The following B3GAT2 variants were observed in gnomAD, a reference collection of about 807,000 sequenced individuals.
B3GAT2 encodes galactosylgalactosylxylosylprotein 3-beta-glucuronosyltransferase 2.
A neutral mutation model predicts 27.8 loss-of-function variants in B3GAT2; 26 were observed. The ratio of observed to expected loss-of-function variants is 0.93; its 90% confidence interval spans 0.68 to 1.30. The LOEUF (loss-of-function observed/expected upper bound fraction) is 1.30, where lower values mean the gene tolerates loss of function less well. Among genes scored for constraint, B3GAT2 ranks in the 50% most tolerant of loss-of-function variants. The pLI is 0.00. For missense variants in B3GAT2, 458 were observed against 459.0 expected (o/e 1.00, Z 0.02); for synonymous variants, 218 against 195.1 (o/e 1.12, Z -0.98).
At chr6:70,893,975 T>C (rs1385259480) in intron 2 of B3GAT2, among the ~76,000 whole-genome samples, 153 bp downstream of exon 2, 3 of 152,206 alleles carry the variant, frequency 2.0e-5, no homozygotes, top group Non-Finnish European at 4.4e-5. Context: ...AGAGCCTATT[T>C]TGAAGGTTTA....
In B3GAT2 at chr6:70,861,732, A is replaced by C. The variant is rs1454838282; in HGVS notation, c.903T>G (p.Thr301=). ...NNCTKVLVWH[T]RTEKVNLANE... ...TGGCTAGATTAACCTTCTCTGTCCG[A>C]GTGTGCCACACGAGAACCTGAAGGG... Residue 301 remains threonine (T), a synonymous_variant, in exon 4 of 4, where the codon ACT becomes ACG. Transcript: ENST00000230053. 6.2e-7 allele frequency: 1 copy of C among 1,614,070 alleles called. No homozygotes were observed. Among genetic ancestry groups the C allele is most frequent in the Non-Finnish European group, 8.5e-7 (1 of 1,179,990 alleles).
At chr6:70,876,408 T>C (rs1479038545) in intron 2 of B3GAT2, among the ~76,000 whole-genome samples, 5 of 152,178 alleles carry the variant, frequency 3.3e-5, no homozygotes, top group African/African-American at 4.8e-5. Flanking sequence ...GGACGGTAGT[T>C]GAGTAAAGGC....
intron 1 of B3GAT2, among the ~76,000 whole-genome samples, chr6:70,936,802 GAA>G (rs1765289526): frequency 6.6e-6 from 1 of 151,972 alleles, no homozygotes; most frequent in Non-Finnish European, 1.5e-5. Context: ...GAGAAAGCAG[GAA>G]AGATCCAAAA....
chr6:70,866,312 T>A (rs1256708351), intron 2 of B3GAT2, among the ~76,000 whole-genome samples: 1 of 152,212 alleles, frequency 6.6e-6, no homozygotes, highest in Non-Finnish European at 1.5e-5. Flanking sequence ...CCTAACAAAC[T>A]TCAAAAGCAA....
chr6:70,925,348 A>G (rs1772936320), intron 1 of B3GAT2, among the ~76,000 whole-genome samples: 1 of 152,222 alleles, frequency 6.6e-6, no homozygotes, highest in Non-Finnish European at 1.5e-5. Context: ...AGGGCGGGGC[A>G]TCACCTCACC....
chr6:70,953,387 A>C (rs936190968), intron 1 of B3GAT2, among the ~76,000 whole-genome samples: 4 of 152,254 alleles, frequency 2.6e-5, no homozygotes, highest in African/African-American at 9.6e-5. Context: ...AAGACTAAGA[A>C]TTCATAAATT....
intron 1 of B3GAT2, among the ~76,000 whole-genome samples, chr6:70,933,899 T>C (rs1773100006): frequency 6.6e-6 from 1 of 152,204 alleles, no homozygotes. Flanking sequence ...TACGTACCTA[T>C]TACCTCGTTT....
chr6:70,927,504 A>C (rs1772983059), intron 1 of B3GAT2, among the ~76,000 whole-genome samples: 1 of 152,184 alleles, frequency 6.6e-6, no homozygotes, highest in Admixed American at 6.5e-5. Flanking sequence ...AATGGAAAGC[A>C]AAAAAACCGG....
chr6:70,864,020 A>G (rs941608896), intron 2 of B3GAT2, among the ~76,000 whole-genome samples: 2 of 143,932 alleles, frequency 1.4e-5, no homozygotes, highest in African/African-American at 5.1e-5. Flanking sequence ...GTGTTAAAAG[A>G]TTTCTTGCTT....
chr6:70,857,393 TAAA>T lies in B3GAT2; in HGVS notation c.*4267_*4269del, dbSNP rs893521436. The stretch of plus-strand genomic sequence containing the variant: ...AACAGTCTTGAGTTACCACATGGAT[TAAA>T]AAAAATCTATGAATTTTTTTGTAAT... On this transcript the variant is annotated 3_prime_UTR_variant, in exon 4 of 4. Transcript: ENST00000230053. 1.2e-5 allele frequency: 2 copies of T among 172,586 alleles called. No individual in the cohort carries two copies. Among genetic ancestry groups the T allele is most frequent in the African/African-American group, 4.8e-5 (2 of 42,080 alleles). The allele number at this position is 172,586 out of a possible 1,614,324, so 10.7% of individuals were successfully genotyped here. A position where few individuals can be genotyped will look rare whatever the true frequency, so the allele number is the denominator to read the frequency against.
chr6:70,894,101 A>T, intron 2 of B3GAT2, 27 bp downstream of exon 2: 1 of 1,585,488 alleles, frequency 6.3e-7, no homozygotes, highest in Non-Finnish European at 8.6e-7. Flanking sequence ...TCCAGCAGGA[A>T]CAAATGTCAT....
intron 1 of B3GAT2, among the ~76,000 whole-genome samples, chr6:70,942,642 G>T (rs56220565): frequency 0.49 from 74,045 of 152,036 alleles, 18,675 homozygotes; most frequent in East Asian, 0.68. Context: ...AATCAATCTG[G>T]GAGGGCTGAG....
intron 2 of B3GAT2, among the ~76,000 whole-genome samples, chr6:70,891,289 T>A (rs142175146): frequency 5.9e-5 from 9 of 152,316 alleles, no homozygotes; most frequent in African/African-American, 1.9e-4. Context: ...TTTCTTTCCA[T>A]CTTGTGGGCA....
chr6:70,908,135 G>C (rs758210755), intron 1 of B3GAT2, among the ~76,000 whole-genome samples: 14 of 152,154 alleles, frequency 9.2e-5, no homozygotes, highest in Non-Finnish European at 1.6e-4. Flanking sequence ...ACAGTATCAG[G>C]GAGAAGTGCA....
chr6:70,904,374 AAAAT>A (rs989525280), intron 1 of B3GAT2, among the ~76,000 whole-genome samples: 71 of 152,224 alleles, frequency 4.7e-4, no homozygotes, highest in African/African-American at 1.5e-3. Flanking sequence ...AAATAAAAAC[AAAAT>A]AATTAGGTGG....
chr6:70,920,555 G>A (rs1169008997), intron 1 of B3GAT2, among the ~76,000 whole-genome samples: 2 of 151,734 alleles, frequency 1.3e-5, no homozygotes, highest in Non-Finnish European at 3.0e-5. Flanking sequence ...GCCATTTGGA[G>A]CAACTCTCCA....
chr6:70,860,873 A>G lies in B3GAT2; in HGVS notation c.*790T>C, dbSNP rs1771691365. The G allele has an allele frequency of 2.5e-6, 1 of 393,508 alleles. No homozygotes were observed. The highest frequency in any genetic ancestry group is 3.6e-5 in the East Asian group (1 of 27,782). The allele number at this position is 393,508 out of a possible 1,614,324, so 24.4% of individuals were successfully genotyped here. ...GATGTGCTTAACAGGGAACGTGATTAGTGAAAGGAAGATAAACGTGGATGT... is the reference window on the plus strand; with the variant it reads ...GATGTGCTTAACAGGGAACGTGATTGGTGAAAGGAAGATAAACGTGGATGT... On this transcript the variant is annotated 3_prime_UTR_variant, in exon 4 of 4. Coordinates refer to ENST00000230053, the MANE Select transcript of B3GAT2 (RefSeq NM_080742.3).
intron 1 of B3GAT2, among the ~76,000 whole-genome samples, chr6:70,929,745 A>G (rs1283428657): frequency 6.6e-6 from 1 of 152,228 alleles, no homozygotes; most frequent in Non-Finnish European, 1.5e-5. Flanking sequence ...AAGAATCAGT[A>G]TTGTGAAAAT....
chr6:70,864,603 T>A (rs749502880), intron 2 of B3GAT2, among the ~76,000 whole-genome samples: 3 of 152,170 alleles, frequency 2.0e-5, no homozygotes, highest in Non-Finnish European at 4.4e-5. Flanking sequence ...CGCAATTTCC[T>A]TTGCTCAGTG....
Sources: gnomAD v4.1 joint callset for allele counts (sites outside exome capture counted in the v4.1 genomes callset) on GRCh38, gnomAD v4.1.1 for gene constraint, MANE v1.5 for transcripts, NCBI Gene and HGNC (gene_info 2026-07-23, HGNC 2026-07-21) for gene names.